Variants in IL1RAPL2 observed in about 807,000 individuals in gnomAD.
IL1RAPL2 encodes X-linked interleukin-1 receptor accessory protein-like 2.
In IL1RAPL2, 3 loss-of-function variants were observed where a neutral mutation model predicts 44.1. The observed-to-expected ratio is 0.07, with a 90% CI of 0.03 to 0.18. The LOEUF is 0.18. Ranked by LOEUF, IL1RAPL2 falls within the 10% of genes least tolerant of loss-of-function variation. The probability of loss-of-function intolerance (pLI) is 1.00; values close to 1 mark genes in which losing one functional copy is unlikely to be tolerated. For synonymous variants in IL1RAPL2, 181 were observed against 178.8 expected (o/e 1.01, Z -0.10); for missense variants, 391 against 496.4 (o/e 0.79, Z 2.02).
At chrX:105,012,674 C>CAGAG (rs59693765) in intron 2 of IL1RAPL2, among the ~76,000 whole-genome samples, 31,148 of 80,050 alleles carry the variant, frequency 0.39, 6,136 homozygotes, top group East Asian at 0.54. Flanking sequence ...CACACACACA[C>CAGAG]AGAGAGAGAG....
chrX:104,609,373 G>C (rs769293677), intron 1 of IL1RAPL2, among the ~76,000 whole-genome samples: 1 of 111,763 alleles, frequency 8.9e-6, no homozygotes, highest in South Asian at 3.8e-4. Context: ...GGTGTTCTCT[G>C]TATATCCTGA....
At chrX:105,333,764 T>C (rs1169763988) in intron 5 of IL1RAPL2, among the ~76,000 whole-genome samples, 1 of 112,042 alleles carries the variant, frequency 8.9e-6, no homozygotes, top group Non-Finnish European at 1.9e-5. Context: ...CATGAAAAGG[T>C]GCTCAACATC....
chrX:105,691,470 T>C (rs2038035088), intron 6 of IL1RAPL2, among the ~76,000 whole-genome samples: 1 of 111,750 alleles, frequency 8.9e-6, no homozygotes, highest in Non-Finnish European at 1.9e-5. Flanking sequence ...TAAATAGTCA[T>C]ACCACAAGAC....
chrX:104,600,999 G>A (rs1928871188), intron 1 of IL1RAPL2, among the ~76,000 whole-genome samples: 1 of 111,419 alleles, frequency 9.0e-6, no homozygotes, highest in South Asian at 3.8e-4. Context: ...TGTCTTTTTG[G>A]TAGAAAAATT....
At chrX:105,390,840 A>G (rs1392837176) in intron 5 of IL1RAPL2, among the ~76,000 whole-genome samples, 1 of 111,257 alleles carries the variant, frequency 9.0e-6, no homozygotes, top group East Asian at 2.8e-4. Flanking sequence ...GTAAATATGC[A>G]TTCCAGATGG....
intron 6 of IL1RAPL2, among the ~76,000 whole-genome samples, chrX:105,683,033 A>T (rs1055130519): frequency 3.6e-5 from 4 of 112,235 alleles, no homozygotes; most frequent in Non-Finnish European, 7.5e-5. Flanking sequence ...ACGTGATTGT[A>T]ATGAATGTTT....
intron 3 of IL1RAPL2, among the ~76,000 whole-genome samples, chrX:105,231,255 G>A (rs912304832): frequency 8.9e-6 from 1 of 112,067 alleles, no homozygotes; most frequent in Admixed American, 9.5e-5. Flanking sequence ...GGTCATTCTT[G>A]TCTTTCAGAT....
chrX:105,359,481 A>C (rs1185987903), intron 5 of IL1RAPL2, among the ~76,000 whole-genome samples: 1 of 111,391 alleles, frequency 9.0e-6, no homozygotes, highest in Non-Finnish European at 1.9e-5. Context: ...TATTATTTCC[A>C]TTTTATATAT....
At chrX:105,326,597 G>A (rs996574409) in intron 5 of IL1RAPL2, among the ~76,000 whole-genome samples, 2 of 111,318 alleles carry the variant, frequency 1.8e-5, no homozygotes, top group African/African-American at 3.3e-5. Flanking sequence ...TATGGTATCA[G>A]GTAGAAGTTA....
At position 105,211,556 on chromosome X, in the gene IL1RAPL2, G is replaced by A. The variant is rs782169702; in HGVS notation, c.356+15808G>A. Among the ~76,000 whole-genome samples, 21 of 111,112 alleles carry A rather than the reference G, an allele frequency of 1.9e-4. No individual in the cohort carries two copies. In the South Asian group the frequency reaches 6.2e-3, roughly 33 times the overall value. Reference sequence around the variant, plus strand: ...ATTCCTAGAGACTCCTGGAATGCAGGAATCTCCACTACTCACCATACCCTG... The same window carrying A: ...ATTCCTAGAGACTCCTGGAATGCAGAAATCTCCACTACTCACCATACCCTG... On this transcript the variant is annotated intron_variant, in intron 3 of 10. Transcript: ENST00000372582.
chrX:105,354,608 A>G (rs769130569), intron 5 of IL1RAPL2, among the ~76,000 whole-genome samples: 1 of 111,183 alleles, frequency 9.0e-6, no homozygotes, highest in African/African-American at 3.3e-5. Context: ...ATATGTAACA[A>G]ACCTGCACAT....
At chrX:105,027,207 A>T (rs1223410266) in intron 2 of IL1RAPL2, among the ~76,000 whole-genome samples, 2 of 111,653 alleles carry the variant, frequency 1.8e-5, no homozygotes, top group Admixed American at 9.5e-5. Context: ...AAGACCACAA[A>T]CTATGAAACT....
chrX:105,153,795 C>T (rs1046174863), intron 2 of IL1RAPL2, among the ~76,000 whole-genome samples: 4 of 110,996 alleles, frequency 3.6e-5, no homozygotes, highest in Non-Finnish European at 7.6e-5. Context: ...GAAGTCAGCT[C>T]GAGTGAAGAT....
intron 2 of IL1RAPL2, among the ~76,000 whole-genome samples, chrX:104,690,000 G>A (rs1053100354): frequency 5.4e-5 from 6 of 111,848 alleles, no homozygotes; most frequent in East Asian, 2.8e-4. Context: ...TTTGTGTGGC[G>A]CAATTGGTTG....
At chrX:105,235,517 C>T (rs901736040) in intron 4 of IL1RAPL2, among the ~76,000 whole-genome samples, 3 of 111,511 alleles carry the variant, frequency 2.7e-5, no homozygotes, top group African/African-American at 9.8e-5. Flanking sequence ...TGTCATATGC[C>T]TTTACATTTG....
intron 3 of IL1RAPL2, among the ~76,000 whole-genome samples, chrX:105,209,071 C>T (rs782511882): frequency 5.4e-5 from 6 of 111,645 alleles, no homozygotes; most frequent in East Asian, 2.8e-4. Context: ...GGCAATTTTA[C>T]GAGGTGACAG....
intron 6 of IL1RAPL2, among the ~76,000 whole-genome samples, chrX:105,695,478 G>A (rs180680537): frequency 1.7e-3 from 191 of 111,611 alleles, no homozygotes; most frequent in Non-Finnish European, 2.2e-3. Flanking sequence ...TATAGGATAA[G>A]TGTTCAATAA....
chrX:105,353,472 G>A (rs1338356190), intron 5 of IL1RAPL2, among the ~76,000 whole-genome samples: 2 of 111,774 alleles, frequency 1.8e-5, no homozygotes, highest in Admixed American at 1.9e-4. Context: ...TGTGAAGAAA[G>A]TCATTGGAAG....
chrX:104,811,592 C>T (rs1339378717), intron 2 of IL1RAPL2, among the ~76,000 whole-genome samples: 1 of 110,145 alleles, frequency 9.1e-6, no homozygotes, highest in African/African-American at 3.3e-5. Flanking sequence ...ATTGAGGGAG[C>T]AAAGTGTGGG....
Sources: gnomAD v4.1 joint callset for allele counts (sites outside exome capture counted in the v4.1 genomes callset) on GRCh38, gnomAD v4.1.1 for gene constraint, MANE v1.5 for transcripts, NCBI Gene and HGNC (gene_info 2026-07-23, HGNC 2026-07-21) for gene names.